The following ELMO1 variants were observed in gnomAD, a reference collection of about 807,000 sequenced individuals.
The protein encoded by ELMO1 is engulfment and cell motility protein 1.
A neutral mutation model predicts 98.9 loss-of-function variants in ELMO1; 26 were observed. That is an observed-to-expected ratio of 0.26 (90% CI 0.19 to 0.36). The LOEUF is 0.36. ELMO1 is among the 10% of genes least tolerant of loss of function. ELMO1 has a pLI of 1.00. For missense variants in ELMO1, 627 were observed against 935.2 expected (o/e 0.67, Z 4.30); for synonymous variants, 346 against 346.0 (o/e 1.00, Z 0.00).
chr7:36,909,584 G>A (rs906203953), intron 16 of ELMO1, among the ~76,000 whole-genome samples: 5 of 152,162 alleles, frequency 3.3e-5, no homozygotes, highest in African/African-American at 7.2e-5. Flanking sequence ...TTCTTTTTTC[G>A]TGTGTGTGGG....
intron 16 of ELMO1, among the ~76,000 whole-genome samples, chr7:36,928,710 A>G (rs745672493): frequency 6.6e-6 from 1 of 152,146 alleles, no homozygotes; most frequent in Non-Finnish European, 1.5e-5. Flanking sequence ...ACTATTACCT[A>G]TGGTCTAAAG....
chr7:37,244,477 G>C (rs568206197), intron 6 of ELMO1, 86 bp from the exon 7 acceptor site: 17 of 1,428,710 alleles, frequency 1.2e-5, no homozygotes, highest in Non-Finnish European at 1.6e-5. Context: ...GAAAACTCAG[G>C]ATTAGATTTA....
intron 16 of ELMO1, among the ~76,000 whole-genome samples, chr7:36,914,890 T>G (rs986411160): frequency 3.3e-5 from 4 of 119,528 alleles, no homozygotes; most frequent in African/African-American, 1.0e-4. Flanking sequence ...TGGTATAAAA[T>G]GCAAGATTTC....
intron 10 of ELMO1, among the ~76,000 whole-genome samples, 165 bp downstream of exon 10, chr7:37,222,450 C>A (rs1293539078): frequency 6.6e-5 from 10 of 152,258 alleles, no homozygotes; most frequent in African/African-American, 2.4e-4. Context: ...TGGGAAGGAC[C>A]CCAGCGGGCC....
chr7:36,963,994 T>C (rs1011391023), intron 16 of ELMO1, among the ~76,000 whole-genome samples: 1 of 152,220 alleles, frequency 6.6e-6, no homozygotes, highest in Non-Finnish European at 1.5e-5. Flanking sequence ...TGAAAACTAA[T>C]ATTTGTATCT....
At chr7:37,345,599 C>T (rs529544240) in intron 1 of ELMO1, among the ~76,000 whole-genome samples, 37 of 151,792 alleles carry the variant, frequency 2.4e-4, no homozygotes, top group Non-Finnish European at 3.7e-4. Context: ...CGCAGCTACT[C>T]GGGAGGCTGT....
intron 1 of ELMO1, among the ~76,000 whole-genome samples, chr7:37,394,249 G>T (rs1443734757): frequency 6.6e-6 from 1 of 152,156 alleles, no homozygotes; most frequent in Non-Finnish European, 1.5e-5. Context: ...AGGTGGAGGG[G>T]GAAGCAGTCC....
intron 16 of ELMO1, among the ~76,000 whole-genome samples, chr7:36,940,447 T>A (rs950841449): frequency 6.6e-6 from 1 of 152,240 alleles, no homozygotes; most frequent in Non-Finnish European, 1.5e-5. Flanking sequence ...TATTTGTATA[T>A]TCTTTAGCCC....
chr7:36,933,405 C>G (rs1786223054), intron 16 of ELMO1, among the ~76,000 whole-genome samples: 2 of 152,232 alleles, frequency 1.3e-5, no homozygotes, highest in African/African-American at 4.8e-5. Flanking sequence ...CATCTGCACT[C>G]TTATCTTGGA....
At chr7:37,434,928 T>C (rs1037372579) in intron 1 of ELMO1, among the ~76,000 whole-genome samples, 2 of 152,130 alleles carry the variant, frequency 1.3e-5, no homozygotes, top group African/African-American at 2.4e-5. Context: ...ACATCACACT[T>C]ATTTGTGTGA....
chr7:37,388,696 GA>G (rs1354623516), intron 1 of ELMO1, among the ~76,000 whole-genome samples: 1 of 151,788 alleles, frequency 6.6e-6, no homozygotes, highest in Non-Finnish European at 1.5e-5. Context: ...AGTGCTTTGG[GA>G]GGCTGAGGTA....
intron 2 of ELMO1, among the ~76,000 whole-genome samples, chr7:37,321,666 G>A (rs1357372407): frequency 1.5e-5 from 2 of 130,190 alleles, no homozygotes; most frequent in Non-Finnish European, 3.1e-5. Flanking sequence ...GCAGTGAGCC[G>A]AGATCGCGCC....
At chr7:37,014,870 G>GC (rs996689818) in intron 15 of ELMO1, among the ~76,000 whole-genome samples, 9 of 152,076 alleles carry the variant, frequency 5.9e-5, no homozygotes, top group African/African-American at 1.9e-4. Flanking sequence ...CTCGGGGAGA[G>GC]CCCTGGTGCC....
chr7:37,305,843 C>A lies in ELMO1; in HGVS notation c.192+9007G>T, dbSNP rs1798587319. Among the ~76,000 whole-genome samples, 3 of 152,184 alleles carry A rather than the reference C, an allele frequency of 2.0e-5. No individual in the cohort carries two copies. In the South Asian group the frequency reaches 6.2e-4, roughly 32 times the overall value. ...GCTGAGAGGAAAACATAAATCAGCA[C>A]AGAAATAGTTAAACAACAGTTCAAG... On this transcript the variant is annotated intron_variant, in intron 4 of 21. Transcript: ENST00000310758.
intron 5 of ELMO1, among the ~76,000 whole-genome samples, chr7:37,268,634 T>G (rs1169527302): frequency 6.6e-6 from 1 of 152,166 alleles, no homozygotes. Flanking sequence ...TAGATAAAGA[T>G]ACCACACTAG....
chr7:37,267,083 ACACACG>A (rs1236560635), intron 5 of ELMO1, among the ~76,000 whole-genome samples: 17 of 142,054 alleles, frequency 1.2e-4, no homozygotes, highest in African/African-American at 2.1e-4. Context: ...ACACACACAC[ACACACG>A]AGTACTACTG....
chr7:37,004,213 C>T (rs371077329), intron 16 of ELMO1, among the ~76,000 whole-genome samples: 2 of 152,102 alleles, frequency 1.3e-5, no homozygotes, highest in Non-Finnish European at 2.9e-5. Flanking sequence ...TAGGTAATTT[C>T]CTTTTAATGG....
intron 15 of ELMO1, among the ~76,000 whole-genome samples, chr7:37,018,906 A>G (rs555203807): frequency 6.6e-6 from 1 of 152,338 alleles, no homozygotes; most frequent in Non-Finnish European, 1.5e-5. Context: ...GAGATGAGGA[A>G]GGAAAGAGGA....
At chr7:37,224,363 G>GA (rs1458432631) in intron 9 of ELMO1, among the ~76,000 whole-genome samples, 7 of 152,072 alleles carry the variant, frequency 4.6e-5, no homozygotes, top group Admixed American at 1.3e-4. Flanking sequence ...CAAGCCACTA[G>GA]AAAAAATCCT....
Sources: allele counts gnomAD v4.1 joint callset (sites outside exome capture counted in the v4.1 genomes callset), GRCh38; gene constraint gnomAD v4.1.1; transcripts MANE v1.5; gene names NCBI Gene and HGNC (gene_info 2026-07-23, HGNC 2026-07-21).